Variants in SPTLC3 observed in about 807,000 individuals in gnomAD.
SPTLC3 encodes the protein serine palmitoyltransferase 3.
A neutral mutation model predicts 59.3 loss-of-function variants in SPTLC3; 36 were observed. The observed-to-expected ratio is 0.61, with a 90% CI of 0.47 to 0.80. The LOEUF is 0.80. Among genes scored for constraint, SPTLC3 ranks in the 30% least tolerant of loss-of-function variants. The pLI, the probability that SPTLC3 is intolerant of heterozygous loss-of-function variation, is 0.00. For synonymous variants in SPTLC3, 257 were observed against 240.8 expected (o/e 1.07, Z -0.62); for missense variants, 625 against 685.1 (o/e 0.91, Z 0.98).
Position 13,164,940 on chromosome 20 carries a change from A to C in SPTLC3, c.*73A>C. 6 of 1,270,546 alleles carry C rather than the reference A, an allele frequency of 4.7e-6. No individual in the cohort carries two copies. The highest frequency in any genetic ancestry group is 1.5e-5 in the African/African-American group (1 of 67,050). 78.7% of individuals were successfully genotyped at this position (1,270,546 alleles called of 1,614,324 possible). On this transcript the variant is annotated 3_prime_UTR_variant, in exon 12 of 12. Transcript: ENST00000399002. ...CCTCCTTGCCTCACAAGGAATATAA[A>C]TGGATTTCTCCCCCTTCCTCAGGAC...
intron 2 of SPTLC3, among the ~76,000 whole-genome samples, chr20:13,055,550 G>A (rs1478567581): frequency 6.6e-6 from 1 of 152,104 alleles, no homozygotes; most frequent in Non-Finnish European, 1.5e-5. Context: ...CTCAGGTGTG[G>A]CATTTCTTGG....
At chr20:13,152,868 T>A (rs1023255156) in intron 9 of SPTLC3, among the ~76,000 whole-genome samples, 3 of 152,186 alleles carry the variant, frequency 2.0e-5, no homozygotes, top group Admixed American at 1.3e-4. Flanking sequence ...CAGATGACTA[T>A]GATTGACATG....
chr20:13,164,595 A>G (rs2038960096), intron 11 of SPTLC3, 159 bp from the exon 12 acceptor site: 3 of 628,140 alleles, frequency 4.8e-6, no homozygotes, highest in Non-Finnish European at 2.9e-6. Flanking sequence ...GTCTTAAACC[A>G]CAACCTAATG....
At chr20:13,164,232 G>T in intron 11 of SPTLC3, 1 of 412,212 alleles carries the variant, frequency 2.4e-6, no homozygotes. Flanking sequence ...GTCCCTGTGA[G>T]TTAAGTTCTA....
intron 1 of SPTLC3, among the ~76,000 whole-genome samples, chr20:13,028,504 T>C (rs1986270473): frequency 6.6e-6 from 1 of 152,212 alleles, no homozygotes; most frequent in African/African-American, 2.4e-5. Context: ...ACATGATGTC[T>C]GATTAAGAGA....
At chr20:13,030,585 A>G (rs1196915290) in intron 1 of SPTLC3, among the ~76,000 whole-genome samples, 2 of 152,064 alleles carry the variant, frequency 1.3e-5, no homozygotes, top group Non-Finnish European at 2.9e-5. Context: ...TCATTCTTAC[A>G]TTTGTTCCTT....
intron 1 of SPTLC3, among the ~76,000 whole-genome samples, chr20:13,039,123 T>C (rs995017518): frequency 6.6e-6 from 1 of 152,068 alleles, no homozygotes; most frequent in Non-Finnish European, 1.5e-5. Context: ...GTTCCATAGA[T>C]ATCTCTTAAG....
chr20:13,039,031 T>C (rs1986860097), intron 1 of SPTLC3, among the ~76,000 whole-genome samples: 1 of 152,162 alleles, frequency 6.6e-6, no homozygotes, highest in South Asian at 2.1e-4. Context: ...TTTACATTTA[T>C]TGAGGCTTAT....
chr20:13,086,272 C>G (rs62203585), intron 4 of SPTLC3, among the ~76,000 whole-genome samples: 41,824 of 152,060 alleles, frequency 0.28, 5,902 homozygotes, highest in Middle Eastern at 0.36. Flanking sequence ...CTAGTGACTA[C>G]TTTATTTCCC....
At chr20:13,062,795 A>G (rs953183952) in intron 2 of SPTLC3, among the ~76,000 whole-genome samples, 6 of 152,130 alleles carry the variant, frequency 3.9e-5, no homozygotes, top group Admixed American at 1.3e-4. Context: ...ATACAGAACT[A>G]CTTCATTCCT....
intron 4 of SPTLC3, among the ~76,000 whole-genome samples, chr20:13,085,237 A>G (rs906588852): frequency 1.5e-4 from 23 of 152,110 alleles, no homozygotes; most frequent in Non-Finnish European, 2.6e-4. Context: ...ATCTCGGAAT[A>G]TTGGCCAGAA....
intron 7 of SPTLC3, among the ~76,000 whole-genome samples, chr20:13,111,193 TC>T (rs1242834018): frequency 6.6e-6 from 1 of 152,198 alleles, no homozygotes; most frequent in Non-Finnish European, 1.5e-5. Context: ...ATGTTCCCAG[TC>T]CTACTGTGGG....
At chr20:13,161,918 C>A (rs755525078) in intron 11 of SPTLC3, among the ~76,000 whole-genome samples, 1 of 152,152 alleles carries the variant, frequency 6.6e-6, no homozygotes, top group Non-Finnish European at 1.5e-5. Context: ...ACAGTAGGTA[C>A]ACAGTACAAA....
In SPTLC3 at chr20:13,048,969, G is replaced by A; in HGVS notation, c.142G>A (p.Asp48Asn). Residue 48 changes from aspartate (D) to asparagine (N), a missense_variant, in exon 2 of 12, where the codon GAT becomes AAT. Transcript: ENST00000399002. The part of the protein sequence containing the change: ...AQQNGKPHFY[D>N]KLIVESFEEA... ...GCAAAATGGGAAGCCACATTTTTAT[G>A]ATAAGCTCATTGTTGAATCGTTTGA... 1 of 1,565,774 alleles carries A rather than the reference G, an allele frequency of 6.4e-7. No individual in the cohort carries two copies. The highest frequency in any genetic ancestry group is 2.3e-5 in the East Asian group (1 of 44,058).
At chr20:13,065,381 A>G (rs970229369) in intron 2 of SPTLC3, among the ~76,000 whole-genome samples, 3 of 147,602 alleles carry the variant, frequency 2.0e-5, no homozygotes, top group Non-Finnish European at 4.5e-5. Flanking sequence ...CTTATATTCT[A>G]GTTTACCTTC....
At chr20:13,117,857 C>A in intron 8 of SPTLC3, 132 bp downstream of exon 8, 2 of 797,992 alleles carry the variant, frequency 2.5e-6, no homozygotes, top group Admixed American at 3.1e-5. Context: ...AGCCTGGCTA[C>A]AGTGGGTTCA....
chr20:13,012,308 T>C (rs59642692), intron 1 of SPTLC3, among the ~76,000 whole-genome samples: 1,567 of 152,344 alleles, frequency 0.01, 27 homozygotes, highest in African/African-American at 0.036. Flanking sequence ...TCAAGGTTTA[T>C]TGAGTTCTTG....
chr20:13,150,623 C>T (rs1056785390), intron 9 of SPTLC3, among the ~76,000 whole-genome samples: 24 of 152,270 alleles, frequency 1.6e-4, no homozygotes, highest in African/African-American at 5.1e-4. Flanking sequence ...GCTATTTTGT[C>T]TCCCTTTCAG....
At chr20:13,050,674 G>C (rs951436688) in intron 2 of SPTLC3, 2 of 152,170 alleles carry the variant, frequency 1.3e-5, no homozygotes, top group Non-Finnish European at 2.9e-5. Flanking sequence ...CTGTGAGACA[G>C]AAGCACCAGG....
Sources: gnomAD v4.1 joint callset for allele counts (sites outside exome capture counted in the v4.1 genomes callset) on GRCh38, gnomAD v4.1.1 for gene constraint, MANE v1.5 for transcripts, NCBI Gene and HGNC (gene_info 2026-07-23, HGNC 2026-07-21) for gene names.